Variants in SNAP91 observed in about 807,000 individuals in gnomAD.
SNAP91 encodes synaptosome associated protein 91, also known as clathrin coat assembly protein AP180.
SNAP91 carries 27 observed loss-of-function variants against 100.3 expected under a neutral mutation model. That is an observed-to-expected ratio of 0.27 (90% CI 0.20 to 0.37). SNAP91 has a LOEUF of 0.37. Among genes scored for constraint, SNAP91 ranks in the 10% least tolerant of loss-of-function variants. SNAP91 has a pLI of 1.00. For missense variants in SNAP91, 986 were observed against 1,123.7 expected (o/e 0.88, Z 1.75); for synonymous variants, 404 against 398.6 (o/e 1.01, Z -0.16).
chr6:83,634,339 G>C (rs2097342242), intron 8 of SNAP91, among the ~76,000 whole-genome samples: 1 of 151,948 alleles, frequency 6.6e-6, no homozygotes, highest in Non-Finnish European at 1.5e-5. Context: ...ATCTTCTCCT[G>C]TTATCTAGGC....
chr6:83,687,167 T>C (rs1165687664), intron 2 of SNAP91, among the ~76,000 whole-genome samples: 3 of 152,140 alleles, frequency 2.0e-5, no homozygotes, highest in African/African-American at 4.8e-5. Flanking sequence ...TCTTGTAATA[T>C]AGATAGAGTG....
intron 26 of SNAP91, among the ~76,000 whole-genome samples, chr6:83,571,331 T>G (rs913887574): frequency 3.3e-5 from 5 of 152,050 alleles, no homozygotes; most frequent in Non-Finnish European, 7.4e-5. Flanking sequence ...TCTCGATCTT[T>G]TGACCTTGTG....
At chr6:83,583,774 T>A (rs1223465197) in intron 22 of SNAP91, among the ~76,000 whole-genome samples, 1 of 152,214 alleles carries the variant, frequency 6.6e-6, no homozygotes, top group Non-Finnish European at 1.5e-5. Flanking sequence ...AATCGATTTA[T>A]AATTTTGAAA....
intron 2 of SNAP91, among the ~76,000 whole-genome samples, chr6:83,683,558 T>C (rs2099020884): frequency 6.6e-6 from 1 of 152,184 alleles, no homozygotes; most frequent in Admixed American, 6.6e-5. Flanking sequence ...AAGTAAATGC[T>C]TCCAGAGGTC....
At chr6:83,591,341 G>C in intron 21 of SNAP91, 47 bp from the exon 22 acceptor site, 1 of 1,150,632 alleles carries the variant, frequency 8.7e-7, no homozygotes, top group South Asian at 1.2e-5. Flanking sequence ...AGTGTAAAAA[G>C]TAAGTACAGT....
At chr6:83,654,388 T>C (rs7768252) in intron 7 of SNAP91, among the ~76,000 whole-genome samples, 1 of 152,180 alleles carries the variant, frequency 6.6e-6, no homozygotes, top group Admixed American at 6.5e-5. Flanking sequence ...TTTTAGGACA[T>C]ATTGGTGACT....
chr6:83,565,200 A>T (rs1794884164), intron 26 of SNAP91, among the ~76,000 whole-genome samples: 1 of 152,000 alleles, frequency 6.6e-6, no homozygotes, highest in Admixed American at 6.6e-5. Flanking sequence ...GCTTCAGTAC[A>T]TCACTCTCAC....
rs11962288 is a variant in SNAP91 at position 83,654,770 on chromosome 6, C to T, written c.658+1984G>A. Among the ~76,000 whole-genome samples, 784 of 152,236 alleles carry T rather than the reference C, an allele frequency of 5.1e-3. 8 individuals carry two copies. Among genetic ancestry groups the T allele is most frequent in the African/African-American group, 0.018 (754 of 41,542 alleles). On this transcript the variant is annotated intron_variant, in intron 7 of 29. Coordinates refer to ENST00000369694, the MANE Select transcript of SNAP91 (RefSeq NM_001242792.2). ...AAGATGTATGTATTTGAGAGGTTAA[C>T]AGTAGATTATAAACTTAATCAGATG... is the stretch of plus-strand genomic sequence containing the variant.
At position 83,665,463 on chromosome 6, in the gene SNAP91, A is replaced by C. The variant is rs749854794; in HGVS notation, c.249T>G (p.His83Gln). 25 of 1,612,840 alleles carry C rather than the reference A, an allele frequency of 1.6e-5. No homozygotes were observed. In the East Asian group the frequency reaches 5.6e-4, roughly 36 times the overall value. The stretch of plus-strand genomic sequence containing the variant: ...CCTCATTTCCATGCACCATGAGATG[A>C]TGTGTTGTCACTAAAGCCTTAAACA... ...VVVFKALVTT[H>Q]HLMVHGNERF... The change falls in exon 3 of 30, where the codon CAT (histidine) becomes CAG (glutamine). Residue 83 changes from histidine to glutamine, a missense_variant. His to Gln is a conservative substitution (Grantham distance 24, BLOSUM62 0). This residue lies in a region of SNAP91 where 330 missense variants were observed against 447.5 expected (regional missense o/e 0.74). Transcript: ENST00000369694.
At chr6:83,644,459 C>T (rs1049156176) in intron 7 of SNAP91, among the ~76,000 whole-genome samples, 5 of 152,088 alleles carry the variant, frequency 3.3e-5, no homozygotes, top group Non-Finnish European at 5.9e-5. Flanking sequence ...GGGGATTGGT[C>T]ATCCAAAAAT....
chr6:83,593,986 A>G (rs1451835062), intron 17 of SNAP91, among the ~76,000 whole-genome samples: 5 of 152,228 alleles, frequency 3.3e-5, no homozygotes, highest in African/African-American at 7.2e-5. Flanking sequence ...GTGCCGTAAG[A>G]TTAACCTACA....
At chr6:83,619,746 G>A (rs1206312620) in intron 9 of SNAP91, among the ~76,000 whole-genome samples, 1 of 152,096 alleles carries the variant, frequency 6.6e-6, no homozygotes, top group Non-Finnish European at 1.5e-5. Context: ...CATTTGGAAT[G>A]TACACATGCC....
At chr6:83,681,052 G>A (rs888940852) in intron 2 of SNAP91, among the ~76,000 whole-genome samples, 2 of 152,102 alleles carry the variant, frequency 1.3e-5, no homozygotes, top group Admixed American at 1.3e-4. Flanking sequence ...TTACAGAAAA[G>A]GGACTCTCAC....
chr6:83,695,303 GAAAAGA>G lies in SNAP91; in HGVS notation c.130+12489_130+12494del, dbSNP rs1194770998. On this transcript the variant is annotated intron_variant, in intron 2 of 29. Transcript: ENST00000369694. Reference sequence around the variant, plus strand: ...AAAAAAAAAAAAAAAAAAAAAAAGAGAAAAGAAAAAGAAAAAGAAAAGAAAAGAAAG... The same window carrying G: ...AAAAAAAAAAAAAAAAAAAAAAAGAGAAAAGAAAAAGAAAAGAAAAGAAAG... Among the ~76,000 whole-genome samples the G allele has an allele frequency of 2.7e-3, 356 of 133,318 alleles. 2 individuals carry two copies. The highest frequency in any genetic ancestry group is 9.3e-3 in the African/African-American group (339 of 36,368). The allele number at this position is 133,318 out of a possible 152,430, so 87.5% of individuals were successfully genotyped here. A position where few individuals can be genotyped will look rare whatever the true frequency, so the allele number is the denominator to read the frequency against.
intron 9 of SNAP91, among the ~76,000 whole-genome samples, chr6:83,622,314 G>A (rs752289000): frequency 1.4e-4 from 22 of 151,792 alleles, no homozygotes; most frequent in Non-Finnish European, 2.1e-4. Flanking sequence ...ACATTTCTTT[G>A]AGTTTCCCTA....
chr6:83,571,918 A>G (rs1314253217), intron 26 of SNAP91, among the ~76,000 whole-genome samples: 1 of 152,070 alleles, frequency 6.6e-6, no homozygotes, highest in African/African-American at 2.4e-5. Flanking sequence ...ATAGTGAGTA[A>G]GTCTCATGAG....
intron 2 of SNAP91, chr6:83,678,662 G>T (rs939792880): frequency 1.1e-6 from 1 of 923,058 alleles, no homozygotes; most frequent in Non-Finnish European, 1.5e-6. Flanking sequence ...TCATTCCAAG[G>T]TTATCACAGC....
intron 2 of SNAP91, among the ~76,000 whole-genome samples, chr6:83,695,276 C>CAAAAAAAAAAAAAAAAAAAAAAAA (rs56103542): frequency 3.0e-5 from 2 of 67,298 alleles, no homozygotes; most frequent in East Asian, 4.6e-4. Flanking sequence ...GGCTCCATCT[C>CAAAAAAAAAAAAAAAAAAAAAAAA]AAAAAAAAAA....
chr6:83,576,323 T>A (rs1195091306), intron 24 of SNAP91, among the ~76,000 whole-genome samples: 6 of 152,234 alleles, frequency 3.9e-5, no homozygotes, highest in Admixed American at 3.3e-4. Flanking sequence ...TGCTGCTATT[T>A]TAGAAAGGCT....
Sources: allele counts gnomAD v4.1 joint callset (sites outside exome capture counted in the v4.1 genomes callset), GRCh38; gene constraint gnomAD v4.1.1; regional missense constraint gnomAD v4.1.1; transcripts MANE v1.5; gene names NCBI Gene and HGNC (gene_info 2026-07-23, HGNC 2026-07-21).